The following GPC3 variants were observed in gnomAD, a reference collection of about 807,000 sequenced individuals.
GPC3 encodes the protein glypican-3.
In GPC3, 3 loss-of-function variants were observed where a neutral mutation model predicts 34.4. The observed-to-expected ratio is 0.09, with a 90% CI of 0.04 to 0.23. The LOEUF is 0.23. Among genes scored for constraint, GPC3 ranks in the 10% least tolerant of loss-of-function variants. GPC3 has a pLI of 1.00. For missense variants in GPC3, 351 were observed against 445.6 expected (o/e 0.79, Z 1.91); for synonymous variants, 177 against 174.0 (o/e 1.02, Z -0.13).
intron 2 of GPC3, among the ~76,000 whole-genome samples, chrX:133,840,187 A>G (rs1212616207): frequency 1.8e-5 from 2 of 111,227 alleles, no homozygotes; most frequent in African/African-American, 6.5e-5. Context: ...TTCAACTTAG[A>G]GAGGACACTA....
At chrX:133,569,329 T>C (rs1474464808) in intron 7 of GPC3, among the ~76,000 whole-genome samples, 1 of 111,974 alleles carries the variant, frequency 8.9e-6, no homozygotes, top group African/African-American at 3.2e-5. Context: ...GAAGCTGCTA[T>C]GTCCCTGCCC....
chrX:133,650,191 A>G (rs2070584970), intron 6 of GPC3, among the ~76,000 whole-genome samples: 1 of 111,729 alleles, frequency 9.0e-6, no homozygotes. Context: ...ACCTCTCACC[A>G]TCTTCAACCA....
Position 133,668,202 on chromosome X carries a change from C to T in GPC3, c.1293-6352G>A, listed in dbSNP as rs72615416. Among the ~76,000 whole-genome samples, 240 of 111,466 alleles carry T rather than the reference C, an allele frequency of 2.2e-3. 5 individuals are homozygous for T. In the East Asian group the frequency reaches 0.064, roughly 30 times the overall value. Reference sequence around the variant, plus strand: ...GATTATAGGCATGAGCCACCATGCCCGGCCCTATTTTCTACTCTTCAATGA... The same window carrying T: ...GATTATAGGCATGAGCCACCATGCCTGGCCCTATTTTCTACTCTTCAATGA... On this transcript the variant is annotated intron_variant, in intron 5 of 7. Coordinates refer to ENST00000370818, the MANE Select transcript of GPC3 (RefSeq NM_004484.4).
chrX:133,890,062 C>A (rs986279854), intron 2 of GPC3, among the ~76,000 whole-genome samples: 1 of 110,722 alleles, frequency 9.0e-6, no homozygotes, highest in African/African-American at 3.3e-5. Flanking sequence ...AGCCACTGCA[C>A]CTGGCCTCTA....
At chrX:133,775,123 T>G (rs2071965302) in intron 2 of GPC3, among the ~76,000 whole-genome samples, 1 of 111,550 alleles carries the variant, frequency 9.0e-6, no homozygotes, top group African/African-American at 3.3e-5. Context: ...TCTTTTTTTT[T>G]GAAATTAAAA....
chrX:133,569,685 C>T (rs58799797), intron 7 of GPC3, among the ~76,000 whole-genome samples: 1,545 of 111,936 alleles, frequency 0.014, 27 homozygotes, highest in African/African-American at 0.046. Flanking sequence ...GCTGGATGGA[C>T]GTTGGTATCT....
intron 3 of GPC3, among the ~76,000 whole-genome samples, chrX:133,743,338 G>A (rs1402377865): frequency 2.3e-4 from 26 of 112,875 alleles, no homozygotes; most frequent in African/African-American, 8.0e-4. Flanking sequence ...CTATAGGACA[G>A]TGCAACTTCA....
At chrX:133,542,350 G>A (rs772309213) in intron 7 of GPC3, among the ~76,000 whole-genome samples, 9 of 111,178 alleles carry the variant, frequency 8.1e-5, no homozygotes, top group Non-Finnish European at 1.3e-4. Context: ...GCATGGATAG[G>A]CATGCACAGG....
intron 2 of GPC3, among the ~76,000 whole-genome samples, chrX:133,867,337 T>C (rs1382199113): frequency 8.9e-6 from 1 of 111,740 alleles, no homozygotes; most frequent in Non-Finnish European, 1.9e-5. Context: ...ATTGGGTTAC[T>C]AGTCCCAGAA....
chrX:133,746,114 C>G (rs1402317506), intron 3 of GPC3, among the ~76,000 whole-genome samples: 2 of 112,338 alleles, frequency 1.8e-5, no homozygotes, highest in Non-Finnish European at 3.8e-5. Context: ...ACTCTGGCTG[C>G]TGCTATTGCT....
chrX:133,559,279 C>T (rs957444486), intron 7 of GPC3, among the ~76,000 whole-genome samples: 15 of 111,577 alleles, frequency 1.3e-4, no homozygotes, highest in African/African-American at 4.2e-4. Flanking sequence ...GCATTGGGGA[C>T]AGGAGAACCC....
At chrX:133,660,050 C>A (rs1251731973) in intron 6 of GPC3, among the ~76,000 whole-genome samples, 1 of 111,983 alleles carries the variant, frequency 8.9e-6, no homozygotes, top group Non-Finnish European at 1.9e-5. Flanking sequence ...ACTGCCATTA[C>A]CATGTGCTCA....
At chrX:133,821,001 T>C (rs1039886528) in intron 2 of GPC3, among the ~76,000 whole-genome samples, 1 of 112,049 alleles carries the variant, frequency 8.9e-6, no homozygotes, top group Non-Finnish European at 1.9e-5. Flanking sequence ...AAGAGCTCCA[T>C]GCATTTCTTA....
chrX:133,608,675 A>T (rs966130850), intron 6 of GPC3, among the ~76,000 whole-genome samples: 1 of 111,679 alleles, frequency 9.0e-6, no homozygotes, highest in Non-Finnish European at 1.9e-5. Flanking sequence ...ACTGGGGGAC[A>T]TCGGTTCACT....
intron 2 of GPC3, among the ~76,000 whole-genome samples, chrX:133,900,032 A>G (rs2076137198): frequency 9.0e-6 from 1 of 111,551 alleles, no homozygotes; most frequent in Admixed American, 9.5e-5. Flanking sequence ...CAAACTTCTG[A>G]GCTCAGGTGA....
At chrX:133,680,458 T>G (rs1405600285) in intron 5 of GPC3, among the ~76,000 whole-genome samples, 1 of 112,093 alleles carries the variant, frequency 8.9e-6, no homozygotes, top group Non-Finnish European at 1.9e-5. Context: ...TCTGACCATG[T>G]GGATCACTAA....
chrX:133,657,762 C>T (rs1033066049), intron 6 of GPC3, among the ~76,000 whole-genome samples: 1 of 110,617 alleles, frequency 9.0e-6, no homozygotes, highest in Non-Finnish European at 1.9e-5. Flanking sequence ...TTCTTTCCAG[C>T]GCTATCAACA....
intron 2 of GPC3, among the ~76,000 whole-genome samples, chrX:133,944,091 T>A (rs1244508450): frequency 9.0e-6 from 1 of 110,577 alleles, no homozygotes; most frequent in Non-Finnish European, 1.9e-5. Context: ...TGTATGTATA[T>A]ATATATATAT....
intron 7 of GPC3, among the ~76,000 whole-genome samples, chrX:133,548,843 C>T (rs909272431): frequency 1.8e-5 from 2 of 111,279 alleles, no homozygotes; most frequent in Admixed American, 9.6e-5. Flanking sequence ...CCTGCACAAG[C>T]TCTCTTTTTG....
Sources: allele counts gnomAD v4.1 joint callset (sites outside exome capture counted in the v4.1 genomes callset), GRCh38; gene constraint gnomAD v4.1.1; transcripts MANE v1.5; gene names NCBI Gene and HGNC (gene_info 2026-07-23, HGNC 2026-07-21).